KLHL18: variants seen among roughly 807,000 people sequenced by gnomAD.
KLHL18 encodes kelch-like protein 18.
Under a neutral mutation model 58.5 loss-of-function variants are expected in KLHL18, and 38 were observed. The ratio of observed to expected loss-of-function variants is 0.65; its 90% CI spans 0.50 to 0.85. The LOEUF (loss-of-function observed/expected upper bound fraction) is 0.85. Ranked by LOEUF, KLHL18 falls within the 40% of genes least tolerant of loss-of-function variation. KLHL18 has a pLI of 0.00. For synonymous variants in KLHL18, 303 were observed against 301.9 expected, an observed-to-expected ratio of 1.00 and a Z score of -0.04; for missense variants, 624 against 778.4, an observed-to-expected ratio of 0.80 and a Z score of 2.36.
intron 1 of KLHL18, among the ~76,000 whole-genome samples, chr3:47,302,768 T>C (rs1703055349): frequency 6.6e-6 from 1 of 152,242 alleles, no homozygotes. Context: ...CATTTTTCTA[T>C]ATGGTACCAA....
chr3:47,297,121 C>A (rs1344663042), intron 1 of KLHL18, among the ~76,000 whole-genome samples: 1 of 152,184 alleles, frequency 6.6e-6, no homozygotes, highest in South Asian at 2.1e-4. Flanking sequence ...CTACTTCCTT[C>A]CTCACCCCCT....
At position 47,333,198 on chromosome 3, in the gene KLHL18, G is replaced by A. The variant is rs140729925; in HGVS notation, c.642G>A (p.Glu214=). The change falls in exon 5 of 10, where the codon GAG becomes GAA. Residue 214 remains glutamate (E), a synonymous_variant. Transcript: ENST00000232766. ...AALAWVRYDR[E]QRGPYLPELL... is the part of the protein sequence containing the mutation. ...TGGCCTGGGTCAGATACGACCGGGA[G>A]CAGAGGGGTCCCTACCTGCCTGAGC... 8.0e-4 allele frequency: 1,297 copies of A among 1,613,998 alleles called. 1 individual carries two copies. The highest frequency in any genetic ancestry group is 1.0e-3 in the Non-Finnish European group (1,223 of 1,180,008).
At chr3:47,283,235 G>C in intron 1 of KLHL18, 141 bp downstream of exon 1, 1 of 704,728 alleles carries the variant, frequency 1.4e-6, no homozygotes, top group Non-Finnish European at 2.2e-6. Flanking sequence ...AGTGGGGAGA[G>C]AGGTGCCGAG....
intron 1 of KLHL18, among the ~76,000 whole-genome samples, chr3:47,307,348 C>A (rs998417382): frequency 5.9e-5 from 9 of 152,112 alleles, no homozygotes; most frequent in Non-Finnish European, 1.2e-4. Context: ...GCTCGGATTA[C>A]AGGCGTGAGC....
At chr3:47,323,560 C>G (rs533279800) in intron 3 of KLHL18, among the ~76,000 whole-genome samples, 72 of 152,346 alleles carry the variant, frequency 4.7e-4, no homozygotes, top group Non-Finnish European at 1.8e-4. Context: ...CCTCGTGGGT[C>G]TCCTGTGACC....
At chr3:47,337,353 C>A in intron 7 of KLHL18, 3 of 157,482 alleles carry the variant, frequency 1.9e-5, no homozygotes, top group Admixed American at 1.2e-4. Flanking sequence ...TAGCTACCTG[C>A]TCTCTCCACT....
chr3:47,322,641 C>G lies in KLHL18; in HGVS notation c.334C>G (p.Leu112Val), dbSNP rs761459092. The change falls in exon 3 of 10, where the codon CTG becomes GTG. Residue 112 changes from leucine (L) to valine (V), a missense_variant. Transcript: ENST00000232766. The part of the protein sequence containing the change: ...AIDQQNVQSL[L>V]MGASFLQLQS... ...TGACCAGCAAAATGTCCAGTCATTG[C>G]TGATGGGGGCGAGCTTCCTGCAGCT... 1.2e-6 allele frequency: 2 copies of G among 1,604,530 alleles called. No homozygotes were observed. Among genetic ancestry groups the G allele is most frequent in the South Asian group, 2.2e-5 (2 of 88,940 alleles).
At chr3:47,320,002 G>C (rs922965012) in intron 2 of KLHL18, among the ~76,000 whole-genome samples, 1 of 151,828 alleles carries the variant, frequency 6.6e-6, no homozygotes, top group Admixed American at 6.6e-5. Context: ...CTTACTATAA[G>C]AGAAATACAT....
intron 3 of KLHL18, among the ~76,000 whole-genome samples, chr3:47,325,258 C>T (rs1032953083): frequency 5.3e-5 from 8 of 152,028 alleles, no homozygotes; most frequent in African/African-American, 9.7e-5. Context: ...AGTGCAGTGG[C>T]GCGATCTTGG....
chr3:47,306,741 C>CATACATT (rs1703156712), intron 1 of KLHL18, among the ~76,000 whole-genome samples: 1 of 152,280 alleles, frequency 6.6e-6, no homozygotes, highest in Admixed American at 6.5e-5. Context: ...TGTAAATTTA[C>CATACATT]ATACATTCTA....
At chr3:47,309,555 A>C (rs1703241637) in intron 1 of KLHL18, among the ~76,000 whole-genome samples, 1 of 150,734 alleles carries the variant, frequency 6.6e-6, no homozygotes, top group South Asian at 2.1e-4. Flanking sequence ...GTCCCAGATG[A>C]TGGGCAGCCA....
chr3:47,343,465 C>T, intron 9 of KLHL18, 90 bp from the exon 10 acceptor site: 2 of 1,463,460 alleles, frequency 1.4e-6, no homozygotes, highest in Non-Finnish European at 1.9e-6. Context: ...AGTTTGACAT[C>T]ATGGGGGGCT....
At chr3:47,316,541 A>G (rs1356499492) in intron 1 of KLHL18, among the ~76,000 whole-genome samples, 3 of 6,570 alleles carry the variant, frequency 4.6e-4, no homozygotes, top group Admixed American at 2.7e-3. Flanking sequence ...ATATATATAC[A>G]TATATACATA....
intron 1 of KLHL18, among the ~76,000 whole-genome samples, chr3:47,285,462 A>T (rs1230623637): frequency 6.6e-6 from 1 of 152,198 alleles, no homozygotes; most frequent in African/African-American, 2.4e-5. Context: ...CACGCCTATT[A>T]TCCCAGCACT....
intron 1 of KLHL18, among the ~76,000 whole-genome samples, chr3:47,293,642 CAG>C: frequency 6.6e-6 from 1 of 152,196 alleles, no homozygotes; most frequent in African/African-American, 2.4e-5. Context: ...GTAACCTTGA[CAG>C]AGCTATTTTG....
At chr3:47,317,725 A>G (rs1174768885) in intron 1 of KLHL18, among the ~76,000 whole-genome samples, 1 of 152,222 alleles carries the variant, frequency 6.6e-6, no homozygotes, top group Non-Finnish European at 1.5e-5. Context: ...TATTAATTTA[A>G]CCAAAATTTG....
chr3:47,316,723 G>A lies in KLHL18; in HGVS notation c.130-2930G>A, dbSNP rs1225748452. Among the ~76,000 whole-genome samples the A allele has an allele frequency of 1.8e-3, 96 of 53,006 alleles. 16 individuals are homozygous for A. In the East Asian group the frequency reaches 0.032, roughly 18 times the overall value. 34.8% of individuals were successfully genotyped at this position (53,006 alleles called of 152,430 possible). A position where few individuals can be genotyped will look rare whatever the true frequency, so the allele number is the denominator to read the frequency against. On this transcript the variant is annotated intron_variant, in intron 1 of 9. Coordinates refer to ENST00000232766, the MANE Select transcript of KLHL18 (RefSeq NM_025010.5). ...CATATATACGTATATATGTATATGTGTGTGTATATATACATATATACGTAT... is the reference window on the plus strand; with the variant it reads ...CATATATACGTATATATGTATATGTATGTGTATATATACATATATACGTAT...
chr3:47,340,795 C>T (rs955406924), intron 8 of KLHL18, 119 bp downstream of exon 8: 16 of 1,083,108 alleles, frequency 1.5e-5, no homozygotes, highest in South Asian at 1.5e-5. Context: ...CCTTTTTGCC[C>T]GTATAGTACT....
At chr3:47,292,043 A>T (rs1272173610) in intron 1 of KLHL18, among the ~76,000 whole-genome samples, 1 of 152,172 alleles carries the variant, frequency 6.6e-6, no homozygotes, top group African/African-American at 2.4e-5. Flanking sequence ...GATGGCTCTT[A>T]CGTTCCAGTG....
Sources: allele counts gnomAD v4.1 joint callset (sites outside exome capture counted in the v4.1 genomes callset), GRCh38; gene constraint gnomAD v4.1.1; transcripts MANE v1.5; gene names NCBI Gene and HGNC (gene_info 2026-07-23, HGNC 2026-07-21).